The following MORN1 variants were observed in gnomAD, a reference collection of about 807,000 sequenced individuals.
MORN1 encodes MORN repeat containing 1.
In MORN1, 67 loss-of-function variants were observed where a neutral mutation model predicts 61.9. The ratio of observed to expected loss-of-function variants is 1.08; its 90% confidence interval spans 0.89 to 1.33. The LOEUF is 1.33. Among genes scored for constraint, MORN1 ranks in the 40% most tolerant of loss-of-function variants. The pLI is 0.00. For missense variants in MORN1, 752 were observed against 691.2 expected (o/e 1.09, Z -0.99); for synonymous variants, 301 against 292.0 (o/e 1.03, Z -0.31).
At chr1:2,381,821 C>T (rs1168353779) in intron 6 of MORN1, among the ~76,000 whole-genome samples, 1 of 152,238 alleles carries the variant, frequency 6.6e-6, no homozygotes, top group African/African-American at 2.4e-5. Flanking sequence ...CTCCCCCGTC[C>T]AAACTCATGG....
chr1:2,359,058 G>A (rs1204492632), intron 8 of MORN1, among the ~76,000 whole-genome samples: 3 of 152,138 alleles, frequency 2.0e-5, no homozygotes, highest in African/African-American at 7.2e-5. Context: ...GCCTGGGGCT[G>A]GCACACTATG....
chr1:2,325,178 C>T lies in MORN1; in HGVS notation c.1251-1035G>A, dbSNP rs1424445148. On this transcript the variant is annotated intron_variant, in intron 12 of 13. Transcript: ENST00000378531. ...TTCCCTCCCTTCCTTCCTTTCCTTC[C>T]TTCCCTTCCTTCACTTCCTTCTTTT... Among the ~76,000 whole-genome samples, 7 of 117,364 alleles carry T rather than the reference C, an allele frequency of 6.0e-5. No homozygotes were observed. The South Asian group carries it at 9.5e-4, about 16-fold the overall frequency. 77.0% of individuals were successfully genotyped at this position (117,364 alleles called of 152,430 possible).
chr1:2,339,534 C>A (rs1322922723), intron 10 of MORN1, among the ~76,000 whole-genome samples: 1 of 152,192 alleles, frequency 6.6e-6, no homozygotes, highest in Admixed American at 6.5e-5. Context: ...ATCCTGTGCA[C>A]CCACAATTTC....
At chr1:2,342,876 ATTTTAT>A (rs1641430448) in intron 10 of MORN1, among the ~76,000 whole-genome samples, 2,368 of 91,016 alleles carry the variant, frequency 0.026, 66 homozygotes, top group African/African-American at 0.08. Context: ...TATTTATTTT[ATTTTAT>A]TTTATTTTAT....
chr1:2,384,004 T>C (rs1462082183), intron 6 of MORN1, among the ~76,000 whole-genome samples: 2 of 152,174 alleles, frequency 1.3e-5, no homozygotes, highest in Admixed American at 1.3e-4. Context: ...GAGACGTTGC[T>C]CTTCCTTCTC....
At chr1:2,374,848 G>A (rs998783272) in intron 6 of MORN1, 4 of 327,976 alleles carry the variant, frequency 1.2e-5, no homozygotes, top group Non-Finnish European at 2.2e-5. Context: ...CCTCGAAGGG[G>A]CACATTTCAG....
intron 13 of MORN1, chr1:2,322,391 C>G: frequency 1.0e-6 from 1 of 985,366 alleles, no homozygotes; most frequent in African/African-American, 1.7e-5. Context: ...CACCGCAAGG[C>G]AGAGCAACAT....
rs777782002 is a variant in MORN1, at chr1:2,336,700, C to T, written c.1170+17G>A. The T allele has an allele frequency of 1.7e-5, 26 of 1,546,038 alleles. No individual in the cohort carries two copies. Among genetic ancestry groups the T allele is most frequent in the Middle Eastern group, 3.6e-4 (2 of 5,588 alleles). ...GAGTGATGTGGGGTGGCCTCCCCGC[C>T]CCCCGTGGGCACCCACCTTGTGGAG... On this transcript the variant is annotated intron_variant, in intron 11 of 13. Transcript: ENST00000378531.
At chr1:2,354,284 G>A (rs1169783572) in intron 10 of MORN1, among the ~76,000 whole-genome samples, 1 of 152,206 alleles carries the variant, frequency 6.6e-6, no homozygotes, top group Non-Finnish European at 1.5e-5. Flanking sequence ...ACAGTTTTAA[G>A]AAAAGGAAAG....
At chr1:2,336,048 C>T (rs1395255975) in intron 12 of MORN1, among the ~76,000 whole-genome samples, 4 of 152,186 alleles carry the variant, frequency 2.6e-5, no homozygotes, top group South Asian at 4.1e-4. Context: ...CTGCACGTGC[C>T]GCGGTGTGCA....
intron 12 of MORN1, among the ~76,000 whole-genome samples, chr1:2,335,294 C>T (rs1016853448): frequency 6.6e-6 from 1 of 152,190 alleles, no homozygotes; most frequent in African/African-American, 2.4e-5. Context: ...TGTTCACTGC[C>T]TTGGCTATTT....
chr1:2,348,714 TGCGCGG>T (rs1557876272), intron 10 of MORN1, among the ~76,000 whole-genome samples: 10 of 17,270 alleles, frequency 5.8e-4, no homozygotes, highest in African/African-American at 2.5e-3. Flanking sequence ...CACGCACACC[TGCGCGG>T]GCACGCACAC....
At chr1:2,331,884 G>C (rs1429216042) in intron 12 of MORN1, among the ~76,000 whole-genome samples, 2 of 75,240 alleles carry the variant, frequency 2.7e-5, no homozygotes, top group Non-Finnish European at 4.8e-5. Context: ...CGCCTCTCCC[G>C]CCCCTGCGCC....
At chr1:2,388,170 C>T (rs1642550249) in intron 3 of MORN1, 69 bp downstream of exon 3, 2 of 1,247,588 alleles carry the variant, frequency 1.6e-6, no homozygotes, top group South Asian at 1.2e-5. Context: ...TGCATCTAGA[C>T]TCGGCGGACC....
intron 12 of MORN1, among the ~76,000 whole-genome samples, chr1:2,333,689 T>A (rs371134972): frequency 2.8e-4 from 42 of 152,294 alleles, no homozygotes; most frequent in African/African-American, 9.9e-4. Context: ...TTCACAAGCA[T>A]GTCTGTCGGA....
At chr1:2,388,710 T>G (rs1179112634) in intron 2 of MORN1, among the ~76,000 whole-genome samples, 2 of 138,250 alleles carry the variant, frequency 1.4e-5, no homozygotes, top group African/African-American at 5.6e-5. Context: ...GTCAGGAGGT[T>G]GAGGCTGCAG....
intron 13 of MORN1, chr1:2,322,508 G>A (rs1569895586): frequency 1.0e-6 from 1 of 985,368 alleles, no homozygotes; most frequent in Non-Finnish European, 1.2e-6. Context: ...ACAAGAGCAA[G>A]CCTCGGGGGC....
chr1:2,367,411 G>GGAGT (rs1033867133), intron 8 of MORN1, among the ~76,000 whole-genome samples: 5 of 151,246 alleles, frequency 3.3e-5, no homozygotes, highest in Admixed American at 2.6e-4. Context: ...CTTGAGCCTG[G>GGAGT]GAGTTTGAGA....
intron 6 of MORN1, among the ~76,000 whole-genome samples, chr1:2,381,000 CT>C (rs1642359604): frequency 6.6e-6 from 1 of 152,270 alleles, no homozygotes; most frequent in South Asian, 2.1e-4. Context: ...ATGCCGTTTT[CT>C]CTCCAGGTTG....
Sources: gnomAD v4.1 joint callset for allele counts (sites outside exome capture counted in the v4.1 genomes callset) on GRCh38, gnomAD v4.1.1 for gene constraint, MANE v1.5 for transcripts, NCBI Gene and HGNC (gene_info 2026-07-23, HGNC 2026-07-21) for gene names.